CFAP91: variants seen among roughly 807,000 people sequenced by gnomAD.
CFAP91 encodes cilia- and flagella-associated protein 91.
Under a neutral mutation model 95.9 loss-of-function variants are expected in CFAP91, and 85 were observed. The observed-to-expected ratio is 0.89, with a 90% CI of 0.74 to 1.06. CFAP91 has a LOEUF of 1.06. Among genes scored for constraint, CFAP91 ranks in the 50% least tolerant of loss-of-function variants. The pLI is 0.00. For synonymous variants in CFAP91, 335 were observed against 327.5 expected, an observed-to-expected ratio of 1.02 and a Z score of -0.25; for missense variants, 962 against 943.4, an observed-to-expected ratio of 1.02 and a Z score of -0.26.
intron 6 of CFAP91, among the ~76,000 whole-genome samples, chr3:119,718,729 T>C (rs1161445750): frequency 6.6e-6 from 1 of 151,934 alleles, no homozygotes; most frequent in Admixed American, 6.6e-5. Context: ...TGTGGGAAAA[T>C]GATTGCAAAC....
intron 16 of CFAP91, chr3:119,749,072 TA>T (rs2054276544): frequency 6.6e-6 from 1 of 152,226 alleles, no homozygotes. Flanking sequence ...CATTATGTTA[TA>T]AAAGGACCTT....
chr3:119,737,545 A>G lies in CFAP91; in HGVS notation c.1461+63A>G, dbSNP rs2054034796. The G allele has an allele frequency of 1.4e-5, 15 of 1,038,826 alleles. No homozygotes were observed. The East Asian group carries it at 3.6e-4, about 25-fold the overall frequency. 64.4% of individuals were successfully genotyped at this position (1,038,826 alleles called of 1,614,324 possible). ...ATATCATTGTCAGCTTATTCTTAGG[A>G]TAGTTTAGCTTAAAGCAAATCTAAT... is the stretch of plus-strand genomic sequence containing the variant. On this transcript the variant is annotated intron_variant, in intron 11 of 17. Coordinates refer to ENST00000273390, the MANE Select transcript of CFAP91 (RefSeq NM_033364.4).
intron 16 of CFAP91, among the ~76,000 whole-genome samples, chr3:119,749,792 A>T (rs1305266804): frequency 6.6e-6 from 1 of 152,236 alleles, no homozygotes; most frequent in Non-Finnish European, 1.5e-5. Flanking sequence ...ATGATAATAT[A>T]TACAGACGAT....
At chr3:119,716,170 T>C (rs2053570810) in intron 6 of CFAP91, among the ~76,000 whole-genome samples, 1 of 152,278 alleles carries the variant, frequency 6.6e-6, no homozygotes, top group Admixed American at 6.5e-5. Context: ...TCCTCCCTTA[T>C]ATACTTTATT....
At position 119,703,219 on chromosome 3, in the gene CFAP91, TACGGTAAGG is replaced by T; in HGVS notation, c.124_124+8del. ...CTCCAATCGAGCGTATGATTTTCTG[TACGGTAAGG>T]ACCGCCGCAGACCTTCCTCCGCGTC... is the stretch of plus-strand genomic sequence containing the variant. On this transcript the variant is annotated splice_donor_variant and splice_donor_5th_base_variant and coding_sequence_variant and intron_variant, in exon 1 of 18. Coordinates refer to ENST00000273390, the MANE Select transcript of CFAP91 (RefSeq NM_033364.4). LOFTEE classifies it high-confidence loss of function. 6.2e-7 allele frequency: 1 copy of T among 1,611,952 alleles called. No homozygotes were observed. Among genetic ancestry groups the T allele is most frequent in the Non-Finnish European group, 8.5e-7 (1 of 1,179,136 alleles).
rs538999362 is a variant in CFAP91, at chr3:119,726,469, T to C, written c.860+121T>C. The C allele has an allele frequency of 1.7e-5, 16 of 936,824 alleles. No individual in the cohort carries two copies. The African/African-American group carries it at 2.6e-4, about 15-fold the overall frequency. The allele number at this position is 936,824 out of a possible 1,614,324, so 58.0% of individuals were successfully genotyped here. A position where few individuals can be genotyped will look rare whatever the true frequency, so the allele number is the denominator to read the frequency against. On this transcript the variant is annotated intron_variant, in intron 7 of 17. Coordinates refer to ENST00000273390, the MANE Select transcript of CFAP91 (RefSeq NM_033364.4). ...AAAAGCAATCCTCAACCTATAGAGATAGGAAATTGGGCATCCGGTTCTTTC... is the reference window on the plus strand; with the variant it reads ...AAAAGCAATCCTCAACCTATAGAGACAGGAAATTGGGCATCCGGTTCTTTC...
At position 119,703,241 on chromosome 3, in the gene CFAP91, C is replaced by T. The variant is rs2053290777; in HGVS notation, c.124+19C>T. 6.2e-7 allele frequency: 1 copy of T among 1,610,358 alleles called. No homozygotes were observed. Among genetic ancestry groups the T allele is most frequent in the Non-Finnish European group, 8.5e-7 (1 of 1,178,366 alleles). On this transcript the variant is annotated intron_variant, in intron 1 of 17. Transcript: ENST00000273390. ...CTGTACGGTAAGGACCGCCGCAGAC[C>T]TTCCTCCGCGTCCGTCGCCTCCTAG... is the stretch of plus-strand genomic sequence containing the variant.
chr3:119,716,296 A>C (rs1247602440), intron 6 of CFAP91, among the ~76,000 whole-genome samples: 1 of 152,270 alleles, frequency 6.6e-6, no homozygotes, highest in African/African-American at 2.4e-5. Flanking sequence ...TGAACCTATA[A>C]AATTAATAAG....
At chr3:119,753,596 G>A (rs1295879506) in intron 17 of CFAP91, among the ~76,000 whole-genome samples, 1 of 152,172 alleles carries the variant, frequency 6.6e-6, no homozygotes, top group African/African-American at 2.4e-5. Flanking sequence ...GTCTGAACAA[G>A]TGGCAAAACA....
intron 14 of CFAP91, among the ~76,000 whole-genome samples, chr3:119,745,498 A>G (rs1338382178): frequency 2.6e-5 from 4 of 152,228 alleles, no homozygotes; most frequent in Admixed American, 6.5e-5. Context: ...CCTTATTCAC[A>G]TACATACACG....
chr3:119,740,410 A>T lies in CFAP91; in HGVS notation c.1534-139A>T, dbSNP rs2054092977. On this transcript the variant is annotated intron_variant, in intron 12 of 17. Coordinates refer to ENST00000273390, the MANE Select transcript of CFAP91 (RefSeq NM_033364.4). Reference sequence around the variant, plus strand: ...GGGCTGAGCTCTAGCTCTGTGGGACACATCTGCTCTGTGGAACCCAAAAGG... The same window carrying T: ...GGGCTGAGCTCTAGCTCTGTGGGACTCATCTGCTCTGTGGAACCCAAAAGG... The T allele has an allele frequency of 3.3e-6, 3 of 901,708 alleles. No individual in the cohort carries two copies. The African/African-American group carries it at 5.0e-5, about 15-fold the overall frequency. 55.9% of individuals were successfully genotyped at this position (901,708 alleles called of 1,614,324 possible).
chr3:119,716,309 A>G (rs1468298391), intron 6 of CFAP91, among the ~76,000 whole-genome samples: 2 of 152,256 alleles, frequency 1.3e-5, no homozygotes, highest in African/African-American at 4.8e-5. Context: ...TTAATAAGTG[A>G]GACTACCTTT....
chr3:119,757,710 T>A (rs1472303981), intron 17 of CFAP91, among the ~76,000 whole-genome samples: 1 of 152,108 alleles, frequency 6.6e-6, no homozygotes, highest in Non-Finnish European at 1.5e-5. Context: ...AAACTTGGCC[T>A]AATGGACATT....
At chr3:119,739,165 T>C (rs954496342) in intron 11 of CFAP91, 90 bp from the exon 12 acceptor site, 26 of 1,041,642 alleles carry the variant, frequency 2.5e-5, no homozygotes, top group Middle Eastern at 4.0e-4. Context: ...TAGCACAGTC[T>C]GTTTTGCTTG....
At chr3:119,716,673 G>A (rs760605071) in intron 6 of CFAP91, among the ~76,000 whole-genome samples, 3 of 152,130 alleles carry the variant, frequency 2.0e-5, no homozygotes, top group Admixed American at 6.5e-5. Flanking sequence ...TGCAACCTCC[G>A]CCTCCTGGGT....
chr3:119,744,320 G>A, intron 14 of CFAP91, 124 bp downstream of exon 14: 1 of 711,926 alleles, frequency 1.4e-6, no homozygotes, highest in Admixed American at 2.9e-5. Context: ...TGTATGCCAG[G>A]CACTCTACAG....
intron 15 of CFAP91, chr3:119,747,574 A>G: frequency 1.7e-6 from 1 of 573,820 alleles, no homozygotes; most frequent in South Asian, 2.3e-5. Context: ...TTCTATGTAT[A>G]AGCTGTGTTT....
At chr3:119,704,880 C>A (rs1210229699) in intron 1 of CFAP91, among the ~76,000 whole-genome samples, 1 of 152,182 alleles carries the variant, frequency 6.6e-6, no homozygotes, top group Non-Finnish European at 1.5e-5. Context: ...CATTGTGTTA[C>A]AACTGTCTAC....
chr3:119,732,255 A>G, intron 8 of CFAP91, 39 bp from the exon 9 acceptor site: 1 of 1,485,798 alleles, frequency 6.7e-7, no homozygotes, highest in Non-Finnish European at 9.2e-7. Context: ...ATTCAGAACA[A>G]TATTTTAGAG....
Sources: gnomAD v4.1 joint callset for allele counts (sites outside exome capture counted in the v4.1 genomes callset) on GRCh38, gnomAD v4.1.1 for gene constraint, MANE v1.5 for transcripts, NCBI Gene and HGNC (gene_info 2026-07-23, HGNC 2026-07-21) for gene names.